The following CCDC66 variants were observed in gnomAD, a reference collection of about 807,000 sequenced individuals.
CCDC66 encodes coiled-coil domain-containing protein 66.
CCDC66 carries 133 observed loss-of-function variants against 128.3 expected under a neutral mutation model. The observed-to-expected ratio is 1.04, with a 90% CI of 0.90 to 1.20. The LOEUF (loss-of-function observed/expected upper bound fraction) is 1.20, where lower values mean the gene tolerates loss of function less well. Among genes scored for constraint, CCDC66 ranks in the 50% most tolerant of loss-of-function variants. CCDC66 has a pLI of 0.00. For synonymous variants in CCDC66, 387 were observed against 357.0 expected (o/e 1.08, Z -0.95); for missense variants, 1,126 against 1,075.5 (o/e 1.05, Z -0.66).
Position 56,593,586 on chromosome 3 carries a change from A to G in CCDC66, c.1164A>G (p.Gln388=). 1 of 1,614,124 alleles carries G rather than the reference A, an allele frequency of 6.2e-7. No individual in the cohort carries two copies. The highest frequency in any genetic ancestry group is 1.6e-4 in the Middle Eastern group (1 of 6,062). ...TGTTCTCTCAGTCAACACACAAACA[A>G]CCTGAGTACTTCTGTGTCTCTCCTG... ...SQLFSQSTHK[Q]PEYFCVSPDT... The change falls in exon 9 of 18, where the codon CAA becomes CAG. Residue 388 remains glutamine (Q), a synonymous_variant. Transcript: ENST00000394672.
chr3:56,582,215 G>T (rs2068516594), intron 7 of CCDC66, among the ~76,000 whole-genome samples: 1 of 151,896 alleles, frequency 6.6e-6, no homozygotes, highest in Non-Finnish European at 1.5e-5. Context: ...CTCCAAGCCA[G>T]GTGCAGGATA....
At chr3:56,563,529 A>C in intron 3 of CCDC66, 155 bp from the exon 4 acceptor site, 1 of 583,834 alleles carries the variant, frequency 1.7e-6, no homozygotes, top group Non-Finnish European at 3.0e-6. Context: ...GTTGATGAAG[A>C]TTTGCAAGTA....
chr3:56,563,518 T>C (rs2065404365), intron 3 of CCDC66, 166 bp from the exon 4 acceptor site: 7 of 567,310 alleles, frequency 1.2e-5, no homozygotes, highest in Non-Finnish European at 2.1e-5. Context: ...AATTTCTAGT[T>C]GTTGATGAAG....
At chr3:56,613,838 T>A in intron 11 of CCDC66, 88 bp downstream of exon 11, 1 of 1,091,990 alleles carries the variant, frequency 9.2e-7, no homozygotes, top group Non-Finnish European at 1.3e-6. Flanking sequence ...TGGAGTGCAG[T>A]GGTGCAATCA....
intron 10 of CCDC66, among the ~76,000 whole-genome samples, chr3:56,613,284 G>GAT (rs2075090407): frequency 6.6e-6 from 1 of 152,198 alleles, no homozygotes; most frequent in Admixed American, 6.5e-5. Context: ...AGGAGTCCTT[G>GAT]ATGGGCATGT....
chr3:56,600,105 A>G (rs1203072672), intron 10 of CCDC66, among the ~76,000 whole-genome samples: 1 of 150,704 alleles, frequency 6.6e-6, no homozygotes, highest in African/African-American at 2.4e-5. Flanking sequence ...GGTTGGTTCC[A>G]AGTCTTTGCT....
intron 10 of CCDC66, among the ~76,000 whole-genome samples, chr3:56,597,035 C>A (rs1225207146): frequency 6.6e-6 from 1 of 151,324 alleles, no homozygotes; most frequent in African/African-American, 2.4e-5. Context: ...GCTAGGATTA[C>A]AGGCATGAGC....
intron 7 of CCDC66, among the ~76,000 whole-genome samples, chr3:56,589,218 G>C (rs994232897): frequency 6.6e-6 from 1 of 152,088 alleles, no homozygotes; most frequent in African/African-American, 2.4e-5. Context: ...CAAATTATTA[G>C]AAAAACATAG....
chr3:56,564,267 G>A, intron 4 of CCDC66, 142 bp downstream of exon 4: 2 of 618,150 alleles, frequency 3.2e-6, no homozygotes, highest in Non-Finnish European at 2.7e-6. Context: ...TTCTTTTAGA[G>A]GACTTTCTCT....
intron 6 of CCDC66, 109 bp from the exon 7 acceptor site, chr3:56,571,072 A>C: frequency 2.8e-6 from 2 of 701,882 alleles, no homozygotes; most frequent in Non-Finnish European, 4.4e-6. Flanking sequence ...CCTAAAAAAG[A>C]GTTTTGATTA....
Position 56,584,848 on chromosome 3 carries a change from G to T in CCDC66, c.937-8122G>T, listed in dbSNP as rs183441016. Among the ~76,000 whole-genome samples the T allele has an allele frequency of 6.6e-5, 10 of 152,082 alleles. 3 individuals carry two copies. In the East Asian group the frequency reaches 1.8e-3, roughly 27 times the overall value. On this transcript the variant is annotated intron_variant, in intron 7 of 17. Transcript: ENST00000394672. ...ACTCCGTCTGCAATCCCAGCACCTCGGGAGGCCGAGGCTGGCAGATCACTC... is the reference window on the plus strand; with the variant it reads ...ACTCCGTCTGCAATCCCAGCACCTCTGGAGGCCGAGGCTGGCAGATCACTC...
intron 7 of CCDC66, among the ~76,000 whole-genome samples, chr3:56,577,689 T>C (rs2067618089): frequency 6.6e-6 from 1 of 151,888 alleles, no homozygotes; most frequent in South Asian, 2.1e-4. Flanking sequence ...CTTTCCCCAT[T>C]GCTTGTTTTT....
At chr3:56,614,264 G>A (rs2317133) in intron 11 of CCDC66, among the ~76,000 whole-genome samples, 49,113 of 151,916 alleles carry the variant, frequency 0.32, 8,409 homozygotes, top group East Asian at 0.48. Flanking sequence ...TTTCTGTTGA[G>A]GAGGTCAAGA....
intron 7 of CCDC66, among the ~76,000 whole-genome samples, chr3:56,583,453 G>A (rs537221693): frequency 4.0e-5 from 6 of 151,806 alleles, no homozygotes; most frequent in South Asian, 4.2e-4. Context: ...GCGGCCTTCC[G>A]CAGTGTTTGT....
At chr3:56,603,345 T>C (rs1559732292) in intron 10 of CCDC66, among the ~76,000 whole-genome samples, 1 of 152,066 alleles carries the variant, frequency 6.6e-6, no homozygotes, top group African/African-American at 2.4e-5. Context: ...ATTTGTTTGC[T>C]CTTGTTTCTC....
At chr3:56,599,728 T>C (rs969373971) in intron 10 of CCDC66, among the ~76,000 whole-genome samples, 3 of 152,136 alleles carry the variant, frequency 2.0e-5, no homozygotes, top group Non-Finnish European at 2.9e-5. Context: ...TTTTGTTCCA[T>C]TGTGGTTTGA....
Position 56,615,953 on chromosome 3 carries a change from T to G in CCDC66, c.1743T>G (p.Ser581=). ...VDTIQMEYNA[S]NISNSRHDSD... ...CAATACAAATGGAATATAATGCATC[T>G]AACATTTCAAATTCAAGACATGATT... Residue 581 remains serine, a synonymous_variant, in exon 13 of 18, where the codon TCT becomes TCG. Transcript: ENST00000394672. 6.3e-7 allele frequency: 1 copy of G among 1,599,366 alleles called. No homozygotes were observed. The highest frequency in any genetic ancestry group is 8.5e-7 in the Non-Finnish European group (1 of 1,172,132).
chr3:56,617,056 T>G (rs1187786729), intron 13 of CCDC66, 56 bp from the exon 14 acceptor site: 1 of 1,313,924 alleles, frequency 7.6e-7, no homozygotes, highest in African/African-American at 1.5e-5. Flanking sequence ...GGAAAATTAT[T>G]TAATATTGAA....
At chr3:56,621,454 A>C (rs866375156) in intron 17 of CCDC66, 78 bp from the exon 18 acceptor site, 5 of 979,718 alleles carry the variant, frequency 5.1e-6, no homozygotes, top group Non-Finnish European at 7.5e-6. Flanking sequence ...TTCCAAGTGA[A>C]TATAATTCTA....
Sources: allele counts gnomAD v4.1 joint callset (sites outside exome capture counted in the v4.1 genomes callset), GRCh38; gene constraint gnomAD v4.1.1; transcripts MANE v1.5; gene names NCBI Gene and HGNC (gene_info 2026-07-23, HGNC 2026-07-21).